MBNL1: variants seen among roughly 807,000 people sequenced by gnomAD.
The protein encoded by MBNL1 is muscleblind-like protein 1.
MBNL1 carries 8 observed loss-of-function variants against 42.2 expected under a neutral mutation model. The ratio of observed to expected loss-of-function variants is 0.19; its 90% CI spans 0.11 to 0.34. The LOEUF (loss-of-function observed/expected upper bound fraction) is 0.34. Ranked by LOEUF, MBNL1 falls within the 10% of genes least tolerant of loss-of-function variation. The pLI, the probability that MBNL1 is intolerant of heterozygous loss-of-function variation, is 1.00. For synonymous variants in MBNL1, 169 were observed against 173.9 expected (o/e 0.97, Z 0.22); for missense variants, 309 against 495.3 (o/e 0.62, Z 3.57).
chr3:152,364,551 A>T (rs1432068400), intron 2 of MBNL1, among the ~76,000 whole-genome samples: 1 of 152,070 alleles, frequency 6.6e-6, no homozygotes, highest in Non-Finnish European at 1.5e-5. Context: ...TGCCCTTTGA[A>T]TTGTACAGTA....
At chr3:152,345,943 T>TTTTG (rs761747782) in intron 2 of MBNL1, among the ~76,000 whole-genome samples, 24 of 152,244 alleles carry the variant, frequency 1.6e-4, no homozygotes, top group South Asian at 6.2e-4. Flanking sequence ...TAGGCTGGAT[T>TTTTG]TTTGTTTGTT....
intron 4 of MBNL1, among the ~76,000 whole-genome samples, chr3:152,435,119 C>T (rs116445336): frequency 0.016 from 2,401 of 152,040 alleles, 30 homozygotes; most frequent in Middle Eastern, 0.071. Context: ...TTGCCAGGTC[C>T]TATGTCAAGA....
intron 2 of MBNL1, 34 bp from the exon 3 acceptor site, chr3:152,414,907 T>C (rs1191600679): frequency 8.7e-6 from 14 of 1,603,908 alleles, no homozygotes; most frequent in Middle Eastern, 3.3e-4. Context: ...TTTATTCTTT[T>C]CTAAGATGAT....
intron 2 of MBNL1, among the ~76,000 whole-genome samples, chr3:152,319,077 G>A (rs925703693): frequency 1.3e-5 from 2 of 152,174 alleles, no homozygotes; most frequent in African/African-American, 2.4e-5. Context: ...AGACAAATCA[G>A]TGAGTAGTCA....
At chr3:152,452,164 C>G (rs1416279113) in intron 6 of MBNL1, among the ~76,000 whole-genome samples, 1 of 152,124 alleles carries the variant, frequency 6.6e-6, no homozygotes, top group Non-Finnish European at 1.5e-5. Context: ...TTGTTTTAAC[C>G]TTCCCCTTTC....
intron 2 of MBNL1, among the ~76,000 whole-genome samples, chr3:152,397,209 T>TTTA (rs904280033): frequency 6.6e-6 from 1 of 152,030 alleles, no homozygotes; most frequent in Non-Finnish European, 1.5e-5. Context: ...TGAGAATATG[T>TTTA]TTATTATTAT....
At chr3:152,259,583 C>T (rs2035940624) in intron 2 of MBNL1, among the ~76,000 whole-genome samples, 1 of 151,870 alleles carries the variant, frequency 6.6e-6, no homozygotes, top group Non-Finnish European at 1.5e-5. Context: ...GATATCATAC[C>T]CTTAAAAGAT....
chr3:152,327,769 AT>A (rs1435943490), intron 2 of MBNL1, among the ~76,000 whole-genome samples: 8 of 151,234 alleles, frequency 5.3e-5, no homozygotes, highest in Admixed American at 3.3e-4. Flanking sequence ...CATATACTAT[AT>A]TTTTTTCTAT....
chr3:152,358,654 T>C (rs1181214034), intron 2 of MBNL1, among the ~76,000 whole-genome samples: 1 of 152,166 alleles, frequency 6.6e-6, no homozygotes, highest in Non-Finnish European at 1.5e-5. Context: ...TCCCTGATTA[T>C]GGATTACATA....
At chr3:152,436,969 T>C (rs576893256) in intron 4 of MBNL1, among the ~76,000 whole-genome samples, 2 of 152,208 alleles carry the variant, frequency 1.3e-5, no homozygotes, top group Admixed American at 6.5e-5. Context: ...GATACTGCCG[T>C]GTGAAGCTCA....
chr3:152,333,430 C>T (rs1448016030), intron 2 of MBNL1, among the ~76,000 whole-genome samples: 1 of 152,166 alleles, frequency 6.6e-6, no homozygotes, highest in African/African-American at 2.4e-5. Context: ...GCTCCTGCCA[C>T]CAGGGTTCTG....
chr3:152,446,902 C>A, intron 5 of MBNL1: 1 of 628,770 alleles, frequency 1.6e-6, no homozygotes, highest in East Asian at 2.9e-5. Context: ...GGTTTCCTGA[C>A]AAAATTAGTA....
At chr3:152,353,656 C>CT (rs914145106) in intron 2 of MBNL1, among the ~76,000 whole-genome samples, 49 of 143,450 alleles carry the variant, frequency 3.4e-4, no homozygotes, top group African/African-American at 1.2e-3. Context: ...GAAGAAGAGT[C>CT]TATCTCAACA....
rs1019727337 is a variant in MBNL1 at position 152,463,046 on chromosome 3, A to C, written c.*680A>C. 1 of 152,364 alleles carries C rather than the reference A, an allele frequency of 6.6e-6. No homozygotes were observed. The highest frequency in any genetic ancestry group is 1.5e-5 in the Non-Finnish European group (1 of 67,930). The allele number at this position is 152,364 out of a possible 1,614,324, so 9.4% of individuals were successfully genotyped here. A position where few individuals can be genotyped will look rare whatever the true frequency, so the allele number is the denominator to read the frequency against. ...TCTCATGAAGTGCCATAGACTGTAC[A>C]TCAAATTAGAGTATTATTTCTTCAG... On this transcript the variant is annotated 3_prime_UTR_variant, in exon 10 of 10. Transcript: ENST00000324210.
In MBNL1 at chr3:152,323,864, C is replaced by G. The variant is rs1049682557; in HGVS notation, c.174+23497C>G. ...TGAAGCGTTGTTATACAGCTATTGA[C>G]TATAGTTAGTGAAAAAATCTAGTTC... On this transcript the variant is annotated intron_variant, in intron 2 of 9. Transcript: ENST00000324210. Among the ~76,000 whole-genome samples the G allele has an allele frequency of 5.3e-5, 8 of 152,278 alleles. No homozygotes were observed. The East Asian group carries it at 1.5e-3, about 29-fold the overall frequency.
chr3:152,367,344 A>G (rs529551795), intron 2 of MBNL1, among the ~76,000 whole-genome samples: 1 of 152,290 alleles, frequency 6.6e-6, no homozygotes, highest in South Asian at 2.1e-4. Context: ...ATGTCCCTGC[A>G]AAGGATATGA....
intron 9 of MBNL1, 23 bp downstream of exon 9, chr3:152,459,368 A>T (rs1200598419): frequency 8.1e-6 from 11 of 1,362,470 alleles, no homozygotes; most frequent in Non-Finnish European, 1.1e-5. Context: ...TGTAATATAT[A>T]GTTGCATATT....
chr3:152,315,866 ACTCTCTCTCT>A (rs113762203), intron 2 of MBNL1, among the ~76,000 whole-genome samples: 4 of 149,092 alleles, frequency 2.7e-5, no homozygotes, highest in East Asian at 2.0e-4. Flanking sequence ...ACACACACAC[ACTCTCTCTCT>A]CTCTCTCTCT....
At chr3:152,458,126 A>G (rs767739854) in intron 8 of MBNL1, 1 of 1,613,780 alleles carries the variant, frequency 6.2e-7, no homozygotes, top group Non-Finnish European at 8.5e-7. Flanking sequence ...GTATGTTTCG[A>G]CAGCCCCATC....
Sources: allele counts gnomAD v4.1 joint callset (sites outside exome capture counted in the v4.1 genomes callset), GRCh38; gene constraint gnomAD v4.1.1; transcripts MANE v1.5; gene names NCBI Gene and HGNC (gene_info 2026-07-23, HGNC 2026-07-21).